The following SDCBP2 variants were observed in gnomAD, a reference collection of about 807,000 sequenced individuals.
SDCBP2 encodes the protein syndecan binding protein 2.
In SDCBP2, 28 loss-of-function variants were observed where a neutral mutation model predicts 30.7. The ratio of observed to expected loss-of-function variants is 0.91; its 90% CI spans 0.68 to 1.25. The LOEUF (loss-of-function observed/expected upper bound fraction) is 1.25, where lower values mean the gene tolerates loss of function less well. Among genes scored for constraint, SDCBP2 ranks in the 50% most tolerant of loss-of-function variants. The pLI is 0.00. For missense variants in SDCBP2, 399 were observed against 379.0 expected (o/e 1.05, Z -0.44); for synonymous variants, 166 against 157.3 (o/e 1.06, Z -0.41).
Position 1,310,453 on chromosome 20 carries a change from G to C in SDCBP2, c.867C>G (p.Ile289Met). ...VLLHHTMDHS[I>M]PDA The stretch of plus-strand genomic sequence containing the variant: ...CCCTGCAGTGGCTTCAGGCATCTGG[G>C]ATGGAGTGGTCCATGGTGTGGTGGA... Residue 289 changes from isoleucine to methionine, a missense_variant, in exon 9 of 9, where the codon ATC (isoleucine) becomes ATG (methionine). Transcript: ENST00000360779. 6.2e-7 allele frequency: 1 copy of C among 1,613,608 alleles called. No homozygotes were observed. Among genetic ancestry groups the C allele is most frequent in the Non-Finnish European group, 8.5e-7 (1 of 1,179,948 alleles).
chr20:1,318,149 C>T, intron 4 of SDCBP2, 169 bp downstream of exon 4: 2 of 657,576 alleles, frequency 3.0e-6, no homozygotes, highest in Non-Finnish European at 5.6e-6. Context: ...CAGTGGTTTT[C>T]GTGAAGCCTC....
rs753344660 is a variant in SDCBP2 at position 1,313,450 on chromosome 20, C to T, written c.274G>A (p.Gly92Arg). ...GCTCGCCGCACGCCCAGGCTGTACC[C>T]GGTTACCGGTGCCACCATCTGGCCG... ...GPGQMVAPVT[G>R]YSLGVRRAEI... The change falls in exon 5 of 9, where the codon GGG becomes AGG. Residue 92 changes from glycine to arginine, a missense_variant. Coordinates refer to ENST00000360779, the MANE Select transcript of SDCBP2 (RefSeq NM_080489.5). This position sits in a 1 kb window ranked among gnomAD's most constrained non-coding sequence, Gnocchi z 5.2. 3.1e-6 allele frequency: 5 copies of T among 1,600,636 alleles called. No homozygotes were observed. The highest frequency in any genetic ancestry group is 2.2e-5 in the South Asian group (2 of 89,146).
intron 4 of SDCBP2, among the ~76,000 whole-genome samples, chr20:1,314,488 C>CAAAAAAAAA (rs57936330): frequency 3.5e-4 from 19 of 53,956 alleles, no homozygotes; most frequent in African/African-American, 4.3e-4. Context: ...GACTCCACCT[C>CAAAAAAAAA]AAAAAAAAAA....
chr20:1,317,832 G>A (rs1390071509), intron 4 of SDCBP2: 9 of 294,946 alleles, frequency 3.1e-5, no homozygotes, highest in Admixed American at 4.9e-5. Flanking sequence ...GGGCTTAGGC[G>A]GGGACTGGTT....
In SDCBP2 at chr20:1,320,762, TG is replaced by T. The variant is rs577220901; in HGVS notation, c.-19-328del. On this transcript the variant is annotated intron_variant, in intron 1 of 8. Coordinates refer to ENST00000360779, the MANE Select transcript of SDCBP2 (RefSeq NM_080489.5). The surrounding 1 kb of genome is among the most constrained non-coding windows in gnomAD (Gnocchi z 4.7). ...GCACTGCTCCAGAGGGAGGAGGGAATGGGGGGTGGAGAGGCACCATGAGCAC... is the reference window on the plus strand; with the variant it reads ...GCACTGCTCCAGAGGGAGGAGGGAATGGGGGTGGAGAGGCACCATGAGCAC... 356 of 196,474 alleles carry T rather than the reference TG, an allele frequency of 1.8e-3. 1 individual carries two copies. The highest frequency in any genetic ancestry group is 7.9e-3 in the African/African-American group (342 of 43,256). The allele number at this position is 196,474 out of a possible 1,614,324, so 12.2% of individuals were successfully genotyped here.
chr20:1,310,275 G>A lies in SDCBP2; in HGVS notation c.*166C>T. On this transcript the variant is annotated 3_prime_UTR_variant, in exon 9 of 9. Transcript: ENST00000360779. ...AGCTTGGAGTCTGAGGCTCCAAGGA[G>A]GCCTGTGTGTATAAGCCATCCCATG... 1 of 610,510 alleles carries A rather than the reference G, an allele frequency of 1.6e-6. No homozygotes were observed. The highest frequency in any genetic ancestry group is 2.9e-6 in the Non-Finnish European group (1 of 347,016). The allele number at this position is 610,510 out of a possible 1,614,324, so 37.8% of individuals were successfully genotyped here.
At chr20:1,310,739 C>G in intron 8 of SDCBP2, 61 bp downstream of exon 8, 4 of 1,439,852 alleles carry the variant, frequency 2.8e-6, no homozygotes, top group Non-Finnish European at 3.9e-6. Context: ...CCTGGGAGGC[C>G]GGGAGGTGAA....
chr20:1,312,543 T>C, intron 6 of SDCBP2, 35 bp from the exon 7 acceptor site: 1 of 1,613,890 alleles, frequency 6.2e-7, no homozygotes, highest in Middle Eastern at 1.6e-4. Context: ...CCTGGGGACA[T>C]GGCTGGGGTG....
chr20:1,318,028 C>A, intron 4 of SDCBP2: 1 of 456,608 alleles, frequency 2.2e-6, no homozygotes, highest in Non-Finnish European at 4.3e-6. Context: ...CCCAGGTTCA[C>A]GCTGGGCTTA....
chr20:1,328,691 A>C (rs182974604), intron 1 of SDCBP2, among the ~76,000 whole-genome samples: 15 of 152,292 alleles, frequency 9.8e-5, no homozygotes, highest in Admixed American at 3.9e-4. Context: ...AAACAGCCTC[A>C]GGCCAGAGAA....
Position 1,319,675 on chromosome 20 carries a change from G to T in SDCBP2, c.55-16C>A. The T allele has an allele frequency of 6.5e-7, 1 of 1,545,248 alleles. No homozygotes were observed. The highest frequency in any genetic ancestry group is 1.2e-5 in the South Asian group (1 of 81,800). On this transcript the variant is annotated splice_polypyrimidine_tract_variant and intron_variant, in intron 2 of 8. Transcript: ENST00000360779. ...TGACCTGGGCCTGGGGAGGAGCAGG[G>T]AGCACTGGTCAGCTGTGGCCAGGAC...
Position 1,313,773 on chromosome 20 carries a change from G to A in SDCBP2, c.226-275C>T. Reference sequence around the variant, plus strand: ...GGCCCTTCATTTCCCAAGGGAAACTGGCATCAGGAAAAGCCTCCTTTAAAA... The same window carrying A: ...GGCCCTTCATTTCCCAAGGGAAACTAGCATCAGGAAAAGCCTCCTTTAAAA... On this transcript the variant is annotated intron_variant, in intron 4 of 8. Transcript: ENST00000360779. This position sits in a 1 kb window ranked among gnomAD's most constrained non-coding sequence, Gnocchi z 5.2. 1.4e-6 allele frequency: 1 copy of A among 732,276 alleles called. No homozygotes were observed. 45.4% of individuals were successfully genotyped at this position (732,276 alleles called of 1,614,324 possible).
rs2088696835 is a variant in SDCBP2, at chr20:1,312,706, G to T, written c.441C>A (p.Arg147=). The T allele has an allele frequency of 1.2e-6, 2 of 1,614,120 alleles. No individual in the cohort carries two copies. The highest frequency in any genetic ancestry group is 2.7e-5 in the African/African-American group (2 of 75,054). ...CAATCTGCAGGAGCTGGTCCCCAAA[G>T]CGCAGCCCCACAAGGGATGCAGGGG... ...ANTPASLVGL[R]FGDQLLQIDG... The change falls in exon 6 of 9, where the codon CGC becomes CGA. Residue 147 remains arginine, a synonymous_variant. Transcript: ENST00000360779.
chr20:1,323,302 C>A (rs911198179), intron 1 of SDCBP2: 8 of 152,186 alleles, frequency 5.3e-5, no homozygotes, highest in Non-Finnish European at 1.2e-4. Flanking sequence ...AATCTTGGGA[C>A]AGTCCTGAGC....
At chr20:1,326,361 C>A (rs1396329333) in intron 1 of SDCBP2, among the ~76,000 whole-genome samples, 1 of 152,228 alleles carries the variant, frequency 6.6e-6, no homozygotes, top group Non-Finnish European at 1.5e-5. Context: ...TACTTCTTGC[C>A]CTCAAATCTC....
In SDCBP2 at chr20:1,313,368, G is replaced by T. The variant is rs576691856; in HGVS notation, c.356C>A (p.Thr119Asn). The T allele has an allele frequency of 3.3e-5, 53 of 1,611,720 alleles. 1 individual carries two copies. In the South Asian group the frequency reaches 5.7e-4, roughly 17 times the overall value. Residue 119 changes from threonine to asparagine, a missense_variant, in exon 5 of 9, where the codon ACC becomes AAC. Physicochemically the swap from Thr to Asn is moderately conservative, Grantham distance 65 (BLOSUM62 0). Transcript: ENST00000360779. This position sits in a 1 kb window ranked among gnomAD's most constrained non-coding sequence, Gnocchi z 5.2. Reference sequence around the variant, plus strand: ...GTCGACCTTCCGCAGCCTCAGCCCGGTCTTGCCGCGCTCGTCCTTGCACAG... The same window carrying T: ...GTCGACCTTCCGCAGCCTCAGCCCGTTCTTGCCGCGCTCGTCCTTGCACAG... The part of the protein sequence containing the change: ...IHLCKDERGK[T>N]GLRLRKVDQG...
rs1411232402 is a variant in SDCBP2 at position 1,310,129 on chromosome 20, A to C, written c.*312T>G. ...GTAACTGTTTTCCTGGTAGAGCAAA[A>C]TTTCTTGAAAGGGGCCCAGTTGCGA... On this transcript the variant is annotated 3_prime_UTR_variant, in exon 9 of 9. Coordinates refer to ENST00000360779, the MANE Select transcript of SDCBP2 (RefSeq NM_080489.5). The C allele has an allele frequency of 3.5e-6, 1 of 282,152 alleles. No individual in the cohort carries two copies. The highest frequency in any genetic ancestry group is 2.2e-5 in the African/African-American group (1 of 45,806). The allele number at this position is 282,152 out of a possible 1,614,324, so 17.5% of individuals were successfully genotyped here.
At chr20:1,322,399 GC>G (rs1434723305) in intron 1 of SDCBP2, 1 of 152,164 alleles carries the variant, frequency 6.6e-6, no homozygotes, top group Non-Finnish European at 1.5e-5. Context: ...TTGCTGTGAA[GC>G]CTCTAACCCC....
At chr20:1,327,301 T>TA (rs1420095449) in intron 1 of SDCBP2, among the ~76,000 whole-genome samples, 2 of 152,084 alleles carry the variant, frequency 1.3e-5, no homozygotes, top group Admixed American at 6.5e-5. Context: ...TCTTTGAACT[T>TA]AGAGTGAGAA....
Sources: allele counts gnomAD v4.1 joint callset (sites outside exome capture counted in the v4.1 genomes callset), GRCh38; gene constraint gnomAD v4.1.1; non-coding constraint Gnocchi (gnomAD v3.1); transcripts MANE v1.5; gene names NCBI Gene and HGNC (gene_info 2026-07-23, HGNC 2026-07-21).